ZCCHC7: variants seen among roughly 807,000 people sequenced by gnomAD.
The protein encoded by ZCCHC7 is zinc finger CCHC-type containing 7, also known as zinc finger CCHC domain-containing protein 7.
Under a neutral mutation model 52.0 loss-of-function variants are expected in ZCCHC7, and 35 were observed. That is an observed-to-expected ratio of 0.67 (90% CI 0.51 to 0.89). ZCCHC7 has a LOEUF of 0.89. Among genes scored for constraint, ZCCHC7 ranks in the 40% least tolerant of loss-of-function variants. The pLI is 0.00. For missense variants in ZCCHC7, 574 were observed against 649.1 expected (o/e 0.88, Z 1.26); for synonymous variants, 217 against 221.5 (o/e 0.98, Z 0.18).
rs898106444 is a variant in ZCCHC7, at chr9:37,210,686, AGT to A, written c.610+83745_610+83746del. ...CCTACTTTTTAAAATCTTATTTCTT[AGT>A]CCCCTCACAGATTTTCTCTACCCTA... On this transcript the variant is annotated intron_variant, in intron 2 of 8. Transcript: ENST00000336755. 1.3e-3 allele frequency among the ~76,000 whole-genome samples: 201 copies of A among 152,300 alleles called. 1 individual carries two copies. The highest frequency in any genetic ancestry group is 2.5e-3 in the Non-Finnish European group (173 of 68,004).
intron 2 of ZCCHC7, among the ~76,000 whole-genome samples, chr9:37,176,882 C>T (rs1048216397): frequency 6.6e-6 from 1 of 152,156 alleles, no homozygotes; most frequent in Non-Finnish European, 1.5e-5. Context: ...ACAGACCAGC[C>T]TTTACTGTAG....
At chr9:37,289,192 C>T (rs1209476776) in intron 2 of ZCCHC7, among the ~76,000 whole-genome samples, 1 of 151,300 alleles carries the variant, frequency 6.6e-6, no homozygotes, top group African/African-American at 2.4e-5. Context: ...CTCTGTCGCC[C>T]AGGCTGGAGT....
intron 5 of ZCCHC7, chr9:37,327,512 A>G (rs1158140675): frequency 2.8e-6 from 1 of 354,052 alleles, no homozygotes; most frequent in Non-Finnish European, 5.1e-6. Context: ...AGTTTAACTG[A>G]GTTATGGCTC....
intron 3 of ZCCHC7, among the ~76,000 whole-genome samples, chr9:37,303,761 G>A (rs1829159401): frequency 1.4e-5 from 2 of 142,444 alleles, no homozygotes; most frequent in Non-Finnish European, 1.5e-5. Context: ...CCTCCCAGGC[G>A]CAAGCGATTC....
chr9:37,180,028 G>A (rs1822263093), intron 2 of ZCCHC7, among the ~76,000 whole-genome samples: 1 of 152,114 alleles, frequency 6.6e-6, no homozygotes, highest in African/African-American at 2.4e-5. Flanking sequence ...CAAGGAGAAA[G>A]ATAGGAAAAA....
At chr9:37,324,744 G>A (rs912453040) in intron 5 of ZCCHC7, among the ~76,000 whole-genome samples, 1 of 152,122 alleles carries the variant, frequency 6.6e-6, no homozygotes, top group African/African-American at 2.4e-5. Flanking sequence ...GCAGGGCTGC[G>A]TTCAAGGGCT....
At position 37,289,091 on chromosome 9, in the gene ZCCHC7, T is replaced by C. The variant is rs1774410893; in HGVS notation, c.611-13097T>C. Among the ~76,000 whole-genome samples, 6 of 152,146 alleles carry C rather than the reference T, an allele frequency of 3.9e-5. No individual in the cohort carries two copies. In the South Asian group the frequency reaches 1.2e-3, roughly 31 times the overall value. On this transcript the variant is annotated intron_variant, in intron 2 of 8. Coordinates refer to ENST00000336755, the MANE Select transcript of ZCCHC7 (RefSeq NM_032226.3). ...CTGCATTTTTTAGTTGCAGTAATTA[T>C]CATTTTAGTTGCTGAGGCCAAAAAC...
At chr9:37,218,160 G>A (rs1824610537) in intron 2 of ZCCHC7, among the ~76,000 whole-genome samples, 1 of 152,070 alleles carries the variant, frequency 6.6e-6, no homozygotes, top group Non-Finnish European at 1.5e-5. Context: ...TTACCTCCGT[G>A]ACAGTTCTGG....
rs532593728 is a variant in ZCCHC7, at chr9:37,310,924, T to G, written c.951+5210T>G. Among the ~76,000 whole-genome samples the G allele has an allele frequency of 3.5e-4, 49 of 141,486 alleles. No individual in the cohort carries two copies. The East Asian group carries it at 9.2e-3, about 27-fold the overall frequency. The allele number at this position is 141,486 out of a possible 152,430, so 92.8% of individuals were successfully genotyped here. Reference sequence around the variant, plus strand: ...GTGAGCTGTGATCACATCACTGCACTCCAGCCTGGGTGACAGTGTAAGACT... The same window carrying G: ...GTGAGCTGTGATCACATCACTGCACGCCAGCCTGGGTGACAGTGTAAGACT... On this transcript the variant is annotated intron_variant, in intron 5 of 8. Coordinates refer to ENST00000336755, the MANE Select transcript of ZCCHC7 (RefSeq NM_032226.3).
At chr9:37,169,067 T>G (rs1380512453) in intron 2 of ZCCHC7, among the ~76,000 whole-genome samples, 1 of 152,230 alleles carries the variant, frequency 6.6e-6, no homozygotes, top group Non-Finnish European at 1.5e-5. Flanking sequence ...AAATTGTTAC[T>G]GATATTGTGT....
At chr9:37,327,666 A>G in intron 5 of ZCCHC7, 133 bp from the exon 6 acceptor site, 1 of 850,616 alleles carries the variant, frequency 1.2e-6, no homozygotes, top group Non-Finnish European at 1.8e-6. Flanking sequence ...TTGAAGCTGA[A>G]ATGCAGACCC....
chr9:37,354,760 C>G lies in ZCCHC7; in HGVS notation c.1134C>G (p.Ile378Met), dbSNP rs760978869. The G allele has an allele frequency of 6.2e-7, 1 of 1,613,398 alleles. No individual in the cohort carries two copies. Among genetic ancestry groups the G allele is most frequent in the Non-Finnish European group, 8.5e-7 (1 of 1,179,470 alleles). Residue 378 changes from isoleucine to methionine, a missense_variant, in exon 8 of 9, where the codon ATC becomes ATG. Coordinates refer to ENST00000336755, the MANE Select transcript of ZCCHC7 (RefSeq NM_032226.3). This position sits in a 1 kb window ranked among gnomAD's most constrained non-coding sequence, Gnocchi z 4.0. Reference protein sequence around the residue: ...VYDPSPVSPFICYYDDKYEIQ... With the variant: ...VYDPSPVSPFMCYYDDKYEIQ... ...ACCCGTCTCCAGTATCTCCATTCAT[C>G]TGCTACTATGATGACAAATATGAAA...
chr9:37,265,957 A>G (rs1564211900), intron 2 of ZCCHC7, among the ~76,000 whole-genome samples: 1 of 151,910 alleles, frequency 6.6e-6, no homozygotes, highest in Non-Finnish European at 1.5e-5. Flanking sequence ...TGTGATACCC[A>G]TCTTCTCTTC....
Position 37,126,294 on chromosome 9 carries a change from C to A in ZCCHC7, c.-21-18C>A. 6.3e-7 allele frequency: 1 copy of A among 1,578,762 alleles called. No homozygotes were observed. The highest frequency in any genetic ancestry group is 8.6e-7 in the Non-Finnish European group (1 of 1,165,108). On this transcript the variant is annotated intron_variant, in intron 1 of 8. Transcript: ENST00000336755. ...GAACTTTTAAAGTATATTCTGTGTA[C>A]AACTTTCTCTTTTGCAGCTTCAAGG...
intron 5 of ZCCHC7, among the ~76,000 whole-genome samples, chr9:37,307,631 CT>C: frequency 6.6e-6 from 1 of 152,034 alleles, no homozygotes; most frequent in Non-Finnish European, 1.5e-5. Flanking sequence ...CACCTATAGT[CT>C]TTTTTCTTAC....
chr9:37,276,936 C>T (rs973401664), intron 2 of ZCCHC7, among the ~76,000 whole-genome samples: 2 of 152,196 alleles, frequency 1.3e-5, no homozygotes, highest in Non-Finnish European at 2.9e-5. Context: ...CAAGAGAAAA[C>T]AAGGTTTATT....
intron 2 of ZCCHC7, among the ~76,000 whole-genome samples, chr9:37,289,150 C>CTTT (rs756165414): frequency 2.8e-5 from 4 of 141,458 alleles, no homozygotes; most frequent in Non-Finnish European, 6.2e-5. Context: ...TCTTCTTTTA[C>CTTT]TTTTTTTTTT....
At chr9:37,311,160 C>T (rs955095851) in intron 5 of ZCCHC7, among the ~76,000 whole-genome samples, 16 of 152,068 alleles carry the variant, frequency 1.1e-4, no homozygotes, top group African/African-American at 3.9e-4. Flanking sequence ...GAGACCATTG[C>T]AGCTTCAGCA....
At chr9:37,311,446 C>G (rs1829595327) in intron 5 of ZCCHC7, among the ~76,000 whole-genome samples, 1 of 151,580 alleles carries the variant, frequency 6.6e-6, no homozygotes, top group Admixed American at 6.5e-5. Context: ...GAAACAGAGT[C>G]TCACTCTGCC....
Sources: gnomAD v4.1 joint callset for allele counts (sites outside exome capture counted in the v4.1 genomes callset) on GRCh38, gnomAD v4.1.1 for gene constraint, Gnocchi (gnomAD v3.1) non-coding constraint, MANE v1.5 for transcripts, NCBI Gene and HGNC (gene_info 2026-07-23, HGNC 2026-07-21) for gene names.